The following JAK2 variants were observed in gnomAD, a reference collection of about 807,000 sequenced individuals.
JAK2 encodes the protein tyrosine-protein kinase JAK2.
Under a neutral mutation model 139.3 loss-of-function variants are expected in JAK2, and 86 were observed. The observed-to-expected ratio is 0.62, with a 90% confidence interval of 0.52 to 0.74. JAK2 has a LOEUF of 0.74. JAK2 is among the 30% of genes least tolerant of loss of function. The pLI, the probability that JAK2 is intolerant of heterozygous loss-of-function variation, is 0.00. For missense variants in JAK2, 1,421 were observed against 1,360.3 expected (o/e 1.04, Z -0.70); for synonymous variants, 490 against 437.7 (o/e 1.12, Z -1.49).
At chr9:5,032,595 C>T (rs982733950) in intron 4 of JAK2, among the ~76,000 whole-genome samples, 7 of 152,200 alleles carry the variant, frequency 4.6e-5, no homozygotes, top group African/African-American at 1.4e-4. Flanking sequence ...CACCAATATC[C>T]GCTGTTCTGC....
chr9:5,020,403 G>A (rs999738331), intron 2 of JAK2, among the ~76,000 whole-genome samples: 1 of 152,176 alleles, frequency 6.6e-6, no homozygotes, highest in Non-Finnish European at 1.5e-5. Context: ...GTATCCTCAG[G>A]CCCTCCAGTG....
At chr9:5,060,605 C>G (rs1394899919) in intron 8 of JAK2, among the ~76,000 whole-genome samples, 1 of 152,218 alleles carries the variant, frequency 6.6e-6, no homozygotes, top group Non-Finnish European at 1.5e-5. Flanking sequence ...ATCTTCAGCT[C>G]TACTTCTAAT....
intron 6 of JAK2, among the ~76,000 whole-genome samples, chr9:5,052,406 A>AC (rs1554668068): frequency 4.0e-5 from 6 of 151,204 alleles, no homozygotes; most frequent in Non-Finnish European, 8.9e-5. Context: ...ATGCTGCATC[A>AC]TTTTTTTTTA....
At chr9:5,112,491 C>A in intron 22 of JAK2, 6 of 553,068 alleles carry the variant, frequency 1.1e-5, no homozygotes, top group Non-Finnish European at 2.0e-5. Context: ...CAGACAAGGA[C>A]GAGGAGGAAG....
intron 22 of JAK2, among the ~76,000 whole-genome samples, chr9:5,104,602 C>A (rs539338816): frequency 1.2e-4 from 18 of 152,068 alleles, no homozygotes; most frequent in Admixed American, 8.5e-4. Flanking sequence ...GCAGAGACAC[C>A]ACAAAAAAAT....
intron 2 of JAK2, among the ~76,000 whole-genome samples, chr9:4,991,947 A>T (rs558481285): frequency 1.3e-5 from 2 of 152,210 alleles, no homozygotes; most frequent in Non-Finnish European, 2.9e-5. Flanking sequence ...TCTGATTGCT[A>T]TTGCTGTGTA....
At chr9:5,037,451 C>T (rs1375669311) in intron 4 of JAK2, among the ~76,000 whole-genome samples, 1 of 152,158 alleles carries the variant, frequency 6.6e-6, no homozygotes, top group Admixed American at 6.5e-5. Flanking sequence ...AGACTTGGAA[C>T]CAAGCTAGAT....
At chr9:4,996,157 T>C (rs1217261575) in intron 2 of JAK2, among the ~76,000 whole-genome samples, 4 of 152,234 alleles carry the variant, frequency 2.6e-5, no homozygotes, top group African/African-American at 9.6e-5. Context: ...GTCTGGATTT[T>C]ACAACTTATT....
At chr9:5,086,013 C>G in intron 19 of JAK2, 1 of 819,442 alleles carries the variant, frequency 1.2e-6, no homozygotes, top group Non-Finnish European at 2.2e-6. Context: ...CTGTGATATA[C>G]TATATACATT....
chr9:5,009,641 C>G lies in JAK2; in HGVS notation c.-25-12322C>G, dbSNP rs1469641873. On this transcript the variant is annotated intron_variant, in intron 2 of 24. Transcript: ENST00000381652. ...TGGTCTTACTCTTTTATTCCTACAACCCCTGCCCCATCCCCATCCTAACTG... is the reference window on the plus strand; with the variant it reads ...TGGTCTTACTCTTTTATTCCTACAAGCCCTGCCCCATCCCCATCCTAACTG... Among the ~76,000 whole-genome samples, 5 of 152,234 alleles carry G rather than the reference C, an allele frequency of 3.3e-5. No homozygotes were observed. The East Asian group carries it at 9.6e-4, about 29-fold the overall frequency.
chr9:5,125,853 T>C (rs1326126980), intron 23 of JAK2: 1 of 152,060 alleles, frequency 6.6e-6, no homozygotes, highest in Middle Eastern at 3.4e-3. Flanking sequence ...TTATAAGAGC[T>C]GTCTATATTG....
intron 2 of JAK2, among the ~76,000 whole-genome samples, chr9:5,003,232 A>T (rs1821035550): frequency 6.6e-6 from 1 of 151,986 alleles, no homozygotes; most frequent in South Asian, 2.1e-4. Context: ...CTTTAGGATC[A>T]ACTTGTAAAT....
At chr9:5,107,367 C>G (rs1304326514) in intron 22 of JAK2, among the ~76,000 whole-genome samples, 2 of 152,090 alleles carry the variant, frequency 1.3e-5, no homozygotes, top group Admixed American at 6.6e-5. Flanking sequence ...CCTCCAACTG[C>G]CTCCCCTTTT....
intron 2 of JAK2, among the ~76,000 whole-genome samples, chr9:4,990,492 T>C (rs1272424333): frequency 1.3e-5 from 2 of 152,112 alleles, no homozygotes; most frequent in African/African-American, 4.8e-5. Flanking sequence ...GTGGGACATA[T>C]GACTAGAATT....
At chr9:5,083,431 TATC>T (rs773092400) in intron 19 of JAK2, among the ~76,000 whole-genome samples, 14 of 152,240 alleles carry the variant, frequency 9.2e-5, no homozygotes, top group South Asian at 6.2e-4. Context: ...TGTCTGTTAT[TATC>T]AGCTATTCCT....
At chr9:5,031,178 C>T (rs1823121708) in intron 4 of JAK2, among the ~76,000 whole-genome samples, 1 of 152,060 alleles carries the variant, frequency 6.6e-6, no homozygotes, top group South Asian at 2.1e-4. Context: ...CAATCAAAAT[C>T]CTAACAAAGG....
At chr9:4,991,164 ATGAT>A (rs1357884552) in intron 2 of JAK2, among the ~76,000 whole-genome samples, 1 of 152,238 alleles carries the variant, frequency 6.6e-6, no homozygotes, top group Non-Finnish European at 1.5e-5. Flanking sequence ...TGAGGGTTGA[ATGAT>A]TGATGAAATT....
chr9:5,044,111 T>G (rs1015453154), intron 4 of JAK2, among the ~76,000 whole-genome samples: 1 of 152,254 alleles, frequency 6.6e-6, no homozygotes, highest in African/African-American at 2.4e-5. Flanking sequence ...TGGATTAAGC[T>G]ATGTTTTTAA....
Position 5,055,669 on chromosome 9 carries a change from G to C in JAK2, c.937G>C (p.Asp313His). Reference protein sequence around the residue: ...HKESETLTEQDLQLYCDFPNI... With the variant: ...HKESETLTEQHLQLYCDFPNI... The stretch of plus-strand genomic sequence containing the variant: ...TAATTTTACATGCTTTTAATTATAG[G>C]ATTTACAGTTATATTGCGATTTTCC... The change falls in exon 8 of 25, where the codon GAT becomes CAT. Residue 313 changes from aspartate to histidine, a missense_variant and splice_region_variant. Coordinates refer to ENST00000381652, the MANE Select transcript of JAK2 (RefSeq NM_004972.4). The C allele has an allele frequency of 6.4e-7, 1 of 1,562,064 alleles. No individual in the cohort carries two copies. The highest frequency in any genetic ancestry group is 1.7e-4 in the Middle Eastern group (1 of 5,794).
Sources: allele counts gnomAD v4.1 joint callset (sites outside exome capture counted in the v4.1 genomes callset), GRCh38; gene constraint gnomAD v4.1.1; transcripts MANE v1.5; gene names NCBI Gene and HGNC (gene_info 2026-07-23, HGNC 2026-07-21).